ABTB3: variants seen among roughly 807,000 people sequenced by gnomAD.
ABTB3 encodes ankyrin repeat and BTB domain containing 3.
At chr12:107,575,165 CA>C in the ABTB3 span, among the ~76,000 whole-genome samples, 70 of 152,254 alleles carry the variant, frequency 4.6e-4, no homozygotes, top group African/African-American at 1.3e-3. Flanking sequence ...CAACAAATAA[CA>C]AAGATGAAAA....
the ABTB3 span, among the ~76,000 whole-genome samples, chr12:107,653,202 C>T: frequency 6.6e-6 from 1 of 152,144 alleles, no homozygotes; most frequent in South Asian, 2.1e-4. Context: ...GAATGACGCT[C>T]CTATTGCTTG....
the ABTB3 span, among the ~76,000 whole-genome samples, chr12:107,444,162 A>T: frequency 1.3e-5 from 2 of 152,250 alleles, no homozygotes; most frequent in Admixed American, 6.5e-5. Context: ...AGGGTCCTGC[A>T]GAGAGAAGCT....
chr12:107,376,097 G>T, the ABTB3 span, among the ~76,000 whole-genome samples: 1 of 152,014 alleles, frequency 6.6e-6, no homozygotes, highest in Non-Finnish European at 1.5e-5. Context: ...CAACCCCATG[G>T]CCCCCGTCCT....
chr12:107,433,267 G>A, the ABTB3 span, among the ~76,000 whole-genome samples: 2 of 141,104 alleles, frequency 1.4e-5, no homozygotes, highest in African/African-American at 2.7e-5. Context: ...TCCGCAGTCC[G>A]GCCTGGGCGA....
At chr12:107,623,751 T>G in the ABTB3 span, among the ~76,000 whole-genome samples, 3 of 152,094 alleles carry the variant, frequency 2.0e-5, no homozygotes, top group Non-Finnish European at 2.9e-5. Flanking sequence ...GGCACTACAG[T>G]GGTGATGGGA....
chr12:107,511,681 G>T, the ABTB3 span, among the ~76,000 whole-genome samples: 2 of 152,138 alleles, frequency 1.3e-5, no homozygotes, highest in Non-Finnish European at 2.9e-5. Flanking sequence ...CAAGTCACAG[G>T]CTGGCCAAGA....
the ABTB3 span, among the ~76,000 whole-genome samples, chr12:107,635,723 C>G: frequency 6.6e-6 from 1 of 152,008 alleles, no homozygotes; most frequent in East Asian, 1.9e-4. Flanking sequence ...GCAACTCTGT[C>G]CCCCAAACTC....
chr12:107,566,675 AC>A, the ABTB3 span, among the ~76,000 whole-genome samples: 1 of 152,004 alleles, frequency 6.6e-6, no homozygotes, highest in African/African-American at 2.4e-5. Flanking sequence ...ACACACACAC[AC>A]ACACACACAA....
At chr12:107,657,722 G>A in the ABTB3 span, 2 of 1,613,756 alleles carry the variant, frequency 1.2e-6, no homozygotes, top group Admixed American at 1.7e-5. Flanking sequence ...GGTATGAAAC[G>A]CCTAGTGCAG....
At chr12:107,460,802 C>T in the ABTB3 span, among the ~76,000 whole-genome samples, 1 of 152,186 alleles carries the variant, frequency 6.6e-6, no homozygotes, top group African/African-American at 2.4e-5. Flanking sequence ...GAGAGGGTCC[C>T]AGTGGGGAAA....
the ABTB3 span, among the ~76,000 whole-genome samples, chr12:107,426,656 G>A: frequency 1.3e-5 from 2 of 152,182 alleles, no homozygotes; most frequent in South Asian, 2.1e-4. Flanking sequence ...GAGTCAGGCT[G>A]TGAAGAAAGG....
the ABTB3 span, among the ~76,000 whole-genome samples, chr12:107,508,665 G>C: frequency 6.6e-6 from 1 of 151,730 alleles, no homozygotes; most frequent in Non-Finnish European, 1.5e-5. Flanking sequence ...AGCCAGGATG[G>C]TCTTGATCTC....
At chr12:107,364,899 A>G in the ABTB3 span, among the ~76,000 whole-genome samples, 3 of 152,180 alleles carry the variant, frequency 2.0e-5, no homozygotes, top group Non-Finnish European at 4.4e-5. Flanking sequence ...GATTTGATCT[A>G]AGGAATAACT....
chr12:107,500,829 G>A, the ABTB3 span, among the ~76,000 whole-genome samples: 4 of 152,124 alleles, frequency 2.6e-5, no homozygotes, highest in African/African-American at 9.7e-5. Context: ...TGTTCACTCT[G>A]TGCCCAGATT....
At chr12:107,467,229 C>T in the ABTB3 span, among the ~76,000 whole-genome samples, 1 of 152,124 alleles carries the variant, frequency 6.6e-6, no homozygotes, top group Non-Finnish European at 1.5e-5. Flanking sequence ...CCTTGACCAC[C>T]TAGCTGAGGT....
At chr12:107,434,853 G>A in the ABTB3 span, among the ~76,000 whole-genome samples, 1 of 150,962 alleles carries the variant, frequency 6.6e-6, no homozygotes, top group African/African-American at 2.4e-5. Context: ...GACAGAGCAA[G>A]ACCCTGTTGT....
the ABTB3 span, among the ~76,000 whole-genome samples, chr12:107,351,852 AC>A: frequency 2.4e-4 from 36 of 152,282 alleles, no homozygotes; most frequent in South Asian, 4.2e-3. Flanking sequence ...TTTGTGTGTG[AC>A]CTGAGGCAAA....
the ABTB3 span, among the ~76,000 whole-genome samples, chr12:107,392,358 A>T: frequency 1.3e-5 from 2 of 152,006 alleles, no homozygotes; most frequent in Non-Finnish European, 2.9e-5. Flanking sequence ...TGGGGATCTG[A>T]CCCAGGCCCC....
the ABTB3 span, among the ~76,000 whole-genome samples, chr12:107,429,916 A>T: frequency 3.3e-5 from 5 of 152,242 alleles, no homozygotes; most frequent in Non-Finnish European, 7.3e-5. Context: ...TCTTGTAAAC[A>T]TTGCATCAAC....
Sources: gnomAD v4.1 joint callset for allele counts (sites outside exome capture counted in the v4.1 genomes callset) on GRCh38, gnomAD v4.1.1 for gene constraint, MANE v1.5 for transcripts, NCBI Gene and HGNC (gene_info 2026-07-23, HGNC 2026-07-21) for gene names.